The following GLE1 variants were observed in gnomAD, a reference collection of about 807,000 sequenced individuals.
GLE1 encodes mRNA export factor GLE1.
Under a neutral mutation model 97.3 loss-of-function variants are expected in GLE1, and 78 were observed. That is an observed-to-expected ratio of 0.80 (90% CI 0.67 to 0.97). The LOEUF is 0.97. Ranked by LOEUF, GLE1 falls within the 50% of genes least tolerant of loss-of-function variation. The pLI, the probability that GLE1 is intolerant of heterozygous loss-of-function variation, is 0.00. For missense variants in GLE1, 753 were observed against 857.5 expected, an observed-to-expected ratio of 0.88 and a Z score of 1.52; for synonymous variants, 302 against 313.4, an observed-to-expected ratio of 0.96 and a Z score of 0.39.
intron 13 of GLE1, 44 bp downstream of exon 13, chr9:128,538,134 G>A: frequency 9.4e-7 from 1 of 1,063,922 alleles, no homozygotes; most frequent in Non-Finnish European, 1.5e-6. Context: ...AGTGGTTGAG[G>A]TAGCCTTGAT....
intron 3 of GLE1, 124 bp downstream of exon 3, chr9:128,515,763 G>T (rs1480123562): frequency 1.4e-6 from 1 of 703,970 alleles, no homozygotes; most frequent in Non-Finnish European, 2.6e-6. Context: ...TAGTTTTGGG[G>T]GTAGTGTAAT....
chr9:128,530,434 G>T (rs1015470320), intron 9 of GLE1, among the ~76,000 whole-genome samples: 7 of 152,006 alleles, frequency 4.6e-5, no homozygotes, highest in African/African-American at 1.7e-4. Flanking sequence ...TCACCACATC[G>T]AATTAGTCTA....
rs1847329278 is a variant in GLE1 at position 128,527,298 on chromosome 9, G to GA, written c.1242+8dup. The GA allele has an allele frequency of 2.0e-6, 3 of 1,522,856 alleles. No individual in the cohort carries two copies. Among genetic ancestry groups the GA allele is most frequent in the Non-Finnish European group, 2.7e-6 (3 of 1,096,618 alleles). 94.3% of individuals were successfully genotyped at this position (1,522,856 alleles called of 1,614,324 possible). On this transcript the variant is annotated splice_region_variant and intron_variant, in intron 8 of 15. Transcript: ENST00000309971. ...CAACAGCAAGGACAGTCAGGTAGGG[G>GA]AGAGGTATATGGCAGTAATTTTGTG...
chr9:128,539,852 T>C, intron 14 of GLE1, 154 bp downstream of exon 14: 2 of 1,527,770 alleles, frequency 1.3e-6, no homozygotes, highest in Non-Finnish European at 1.8e-6. Flanking sequence ...CTCGTTGATA[T>C]TTGAATAAAT....
At chr9:128,530,670 G>C (rs1325915913) in intron 9 of GLE1, among the ~76,000 whole-genome samples, 1 of 150,794 alleles carries the variant, frequency 6.6e-6, no homozygotes, top group Non-Finnish European at 1.5e-5. Flanking sequence ...AGCACTTTGG[G>C]AGGCCGAGCC....
chr9:128,536,602 T>C, intron 12 of GLE1, 118 bp downstream of exon 12: 2 of 889,510 alleles, frequency 2.2e-6, no homozygotes, highest in South Asian at 2.7e-5. Flanking sequence ...GGATAAACTA[T>C]ATGGCAGTTT....
At chr9:128,511,137 G>A (rs1846807354) in intron 2 of GLE1, among the ~76,000 whole-genome samples, 2 of 151,400 alleles carry the variant, frequency 1.3e-5, no homozygotes, top group Admixed American at 1.3e-4. Flanking sequence ...CCGGGAGACG[G>A]AGGTTGCAGT....
At chr9:128,534,721 T>G (rs934184457) in intron 11 of GLE1, among the ~76,000 whole-genome samples, 3 of 151,620 alleles carry the variant, frequency 2.0e-5, no homozygotes, top group African/African-American at 7.3e-5. Context: ...ATTTTTTATT[T>G]TTTTTATTTT....
chr9:128,527,262 GAGGGCCTGACCA>G lies in GLE1; in HGVS notation c.1215_1226del (p.Glu405_Asn409delinsAsp). On this transcript the variant is annotated inframe_deletion, in exon 8 of 16. Transcript: ENST00000309971. The stretch of plus-strand genomic sequence containing the variant: ...TTCCATGCAGTGTGTGTTGACCTTT[GAGGGCCTGACCA>G]ACAGCAAGGACAGTCAGGTAGGGGA... 6.2e-7 allele frequency: 1 copy of G among 1,608,362 alleles called. No homozygotes were observed. Among genetic ancestry groups the G allele is most frequent in the Non-Finnish European group, 8.5e-7 (1 of 1,174,742 alleles).
chr9:128,514,741 A>G (rs1194931349), intron 2 of GLE1, among the ~76,000 whole-genome samples: 1 of 152,162 alleles, frequency 6.6e-6, no homozygotes, highest in Non-Finnish European at 1.5e-5. Flanking sequence ...GGGTTTCACC[A>G]TGTTGGTCAG....
At chr9:128,516,816 G>T (rs1459341765) in intron 3 of GLE1, among the ~76,000 whole-genome samples, 1 of 150,600 alleles carries the variant, frequency 6.6e-6, no homozygotes, top group East Asian at 2.0e-4. Context: ...AGTAGAGACG[G>T]GGTTTCACCG....
At position 128,541,412 on chromosome 9, in the gene GLE1, C is replaced by T; in HGVS notation, c.*242C>T. ...GATAAAATAAATGGAGTTGGCCTTTCTTGTTTTTTGCAAAAGTGATAAAAG... is the reference window on the plus strand; with the variant it reads ...GATAAAATAAATGGAGTTGGCCTTTTTTGTTTTTTGCAAAAGTGATAAAAG... On this transcript the variant is annotated 3_prime_UTR_variant, in exon 16 of 16. Transcript: ENST00000309971. 2 of 541,964 alleles carry T rather than the reference C, an allele frequency of 3.7e-6. No homozygotes were observed. Among genetic ancestry groups the T allele is most frequent in the Non-Finnish European group, 6.6e-6 (2 of 301,866 alleles). 33.6% of individuals were successfully genotyped at this position (541,964 alleles called of 1,614,324 possible).
At position 128,538,002 on chromosome 9, in the gene GLE1, TA is replaced by T; in HGVS notation, c.1796del (p.Asn599IlefsTer11). 6.2e-7 allele frequency: 1 copy of T among 1,608,074 alleles called. No homozygotes were observed. Among genetic ancestry groups the T allele is most frequent in the East Asian group, 2.2e-5 (1 of 44,846 alleles). On this transcript the variant is annotated frameshift_variant, in exon 13 of 16. Coordinates refer to ENST00000309971, the MANE Select transcript of GLE1 (RefSeq NM_001003722.2). LOFTEE classifies it high-confidence loss of function. ...TACTCCCAGATTCACCCTCATGGCTTAAATCATGGATGGCGCTGGTTGGCAC... is the reference window on the plus strand; with the variant it reads ...TACTCCCAGATTCACCCTCATGGCTTAATCATGGATGGCGCTGGTTGGCAC... ...GNRQEIHPHG[L>X]NHGWRWLAQI...
intron 3 of GLE1, among the ~76,000 whole-genome samples, chr9:128,516,366 C>G (rs1203182186): frequency 2.0e-5 from 3 of 152,170 alleles, no homozygotes; most frequent in Non-Finnish European, 2.9e-5. Context: ...GTTGCCCAGG[C>G]TGTAGTACAG....
chr9:128,540,159 T>C, intron 14 of GLE1, 116 bp from the exon 15 acceptor site: 1 of 769,246 alleles, frequency 1.3e-6, no homozygotes, highest in Non-Finnish European at 2.3e-6. Flanking sequence ...AAGGCCTCGG[T>C]GAGCTATGAT....
Position 128,504,827 on chromosome 9 carries a change from TG to T in GLE1, c.25del (p.Glu9ArgfsTer3). On this transcript the variant is annotated frameshift_variant, in exon 1 of 16. Transcript: ENST00000309971. LOFTEE classifies it high-confidence loss of function. MPSEGRCWETLKALRSSD... is the reference protein window; with the variant it reads MPSEGRCXETLKALRSSD... ...AACCATGCCGTCTGAGGGTCGCTGC[TG>T]GGAGACCTTGAAGGCCCTACGCAGT... 1.2e-6 allele frequency: 2 copies of T among 1,612,182 alleles called. No individual in the cohort carries two copies. Among genetic ancestry groups the T allele is most frequent in the Non-Finnish European group, 1.7e-6 (2 of 1,178,212 alleles).
Position 128,532,181 on chromosome 9 carries a change from TA to T in GLE1, c.1313-1330del, listed in dbSNP as rs1231208643. On this transcript the variant is annotated intron_variant, in intron 9 of 15. Coordinates refer to ENST00000309971, the MANE Select transcript of GLE1 (RefSeq NM_001003722.2). ...AAAACATTGACTTCAGGACTTCAGG[TA>T]ATGGAAAGTAATTCAGATCTGCTTT... Among the ~76,000 whole-genome samples the T allele has an allele frequency of 3.8e-4, 57 of 148,454 alleles. 1 individual carries two copies. The highest frequency in any genetic ancestry group is 1.5e-4 in the Non-Finnish European group (10 of 67,552).
At chr9:128,535,541 C>T (rs541736092) in intron 11 of GLE1, among the ~76,000 whole-genome samples, 14 of 115,104 alleles carry the variant, frequency 1.2e-4, no homozygotes, top group African/African-American at 4.1e-4. Flanking sequence ...AAAAAAAAGG[C>T]CAGGCGCGGT....
chr9:128,540,396 G>A, intron 15 of GLE1, 58 bp downstream of exon 15: 1 of 1,055,856 alleles, frequency 9.5e-7, no homozygotes, highest in Admixed American at 1.7e-5. Context: ...ATGCACCTAT[G>A]TCTGACAAGT....
Sources: allele counts gnomAD v4.1 joint callset (sites outside exome capture counted in the v4.1 genomes callset), GRCh38; gene constraint gnomAD v4.1.1; transcripts MANE v1.5; gene names NCBI Gene and HGNC (gene_info 2026-07-23, HGNC 2026-07-21).